CDH10: variants seen among roughly 807,000 people sequenced by gnomAD.
CDH10 encodes the protein cadherin 10.
In CDH10, 30 loss-of-function variants were observed where a neutral mutation model predicts 73.1. That is an observed-to-expected ratio of 0.41 (90% CI 0.31 to 0.56). The LOEUF (loss-of-function observed/expected upper bound fraction) is 0.56, where lower values mean the gene tolerates loss of function less well. Ranked by LOEUF, CDH10 falls within the 20% of genes least tolerant of loss-of-function variation. The pLI is 0.27. For synonymous variants in CDH10, 345 were observed against 348.2 expected (o/e 0.99, Z 0.10); for missense variants, 815 against 973.7 (o/e 0.84, Z 2.17).
intron 1 of CDH10, among the ~76,000 whole-genome samples, chr5:24,620,907 G>A (rs1013105025): frequency 6.6e-6 from 1 of 152,154 alleles, no homozygotes; most frequent in South Asian, 2.1e-4. Flanking sequence ...TTCAACTTTT[G>A]AAGGTTTATG....
intron 2 of CDH10, among the ~76,000 whole-genome samples, chr5:24,561,701 A>C (rs1744965865): frequency 6.6e-6 from 1 of 152,190 alleles, no homozygotes; most frequent in Admixed American, 6.5e-5. Flanking sequence ...GAATAATGGA[A>C]AATTAAAGCA....
chr5:24,539,290 T>G (rs1744070418), intron 2 of CDH10, among the ~76,000 whole-genome samples: 1 of 152,036 alleles, frequency 6.6e-6, no homozygotes, highest in Non-Finnish European at 1.5e-5. Flanking sequence ...AATTTTAAAC[T>G]AATTACGTCC....
intron 1 of CDH10, among the ~76,000 whole-genome samples, chr5:24,630,713 A>G (rs1747675089): frequency 6.6e-6 from 1 of 152,000 alleles, no homozygotes; most frequent in Non-Finnish European, 1.5e-5. Context: ...CAGAACTCCT[A>G]GAAATAAAAA....
intron 5 of CDH10, among the ~76,000 whole-genome samples, chr5:24,518,191 C>A (rs1743179490): frequency 6.6e-6 from 1 of 152,120 alleles, no homozygotes; most frequent in African/African-American, 2.4e-5. Context: ...ACCTTTTTCT[C>A]TCAAGTGTCT....
chr5:24,490,522 A>G (rs912285995), intron 11 of CDH10, among the ~76,000 whole-genome samples: 6 of 152,124 alleles, frequency 3.9e-5, no homozygotes, highest in Non-Finnish European at 7.4e-5. Flanking sequence ...TGATTTATCT[A>G]CCATAAGTAA....
chr5:24,522,660 T>C (rs1743379335), intron 5 of CDH10, among the ~76,000 whole-genome samples: 1 of 152,124 alleles, frequency 6.6e-6, no homozygotes, highest in Admixed American at 6.6e-5. Context: ...TAACAAATTT[T>C]CAGCAGCTGC....
intron 1 of CDH10, among the ~76,000 whole-genome samples, chr5:24,619,731 G>A (rs913842259): frequency 6.6e-6 from 1 of 152,090 alleles, no homozygotes; most frequent in African/African-American, 2.4e-5. Context: ...GATATTACAA[G>A]GAAGAGTCTA....
chr5:24,584,066 T>C (rs1200140822), intron 2 of CDH10, among the ~76,000 whole-genome samples: 1 of 152,160 alleles, frequency 6.6e-6, no homozygotes, highest in Non-Finnish European at 1.5e-5. Flanking sequence ...ACTTAGACAA[T>C]GAAGGCACAT....
chr5:24,620,499 A>C (rs1747277416), intron 1 of CDH10, among the ~76,000 whole-genome samples: 1 of 152,168 alleles, frequency 6.6e-6, no homozygotes, highest in South Asian at 2.1e-4. Flanking sequence ...TTCTCTTCAA[A>C]ATCTGGTTAT....
intron 1 of CDH10, among the ~76,000 whole-genome samples, chr5:24,598,613 A>T (rs1746453710): frequency 6.6e-6 from 1 of 152,000 alleles, no homozygotes; most frequent in South Asian, 2.1e-4. Flanking sequence ...CACATAAGAC[A>T]TTAACCAAAA....
chr5:24,569,053 T>C (rs1197640862), intron 2 of CDH10, among the ~76,000 whole-genome samples: 1 of 151,624 alleles, frequency 6.6e-6, no homozygotes, highest in Non-Finnish European at 1.5e-5. Flanking sequence ...GAGCTTGCAT[T>C]GAGCCGAGAT....
At chr5:24,558,510 A>G (rs1052385871) in intron 2 of CDH10, among the ~76,000 whole-genome samples, 1 of 151,754 alleles carries the variant, frequency 6.6e-6, no homozygotes, top group African/African-American at 2.4e-5. Flanking sequence ...AACAATCAAA[A>G]TGTATTTTAA....
In CDH10 at chr5:24,569,766, C is replaced by T. The variant is rs575839280; in HGVS notation, c.231+23494G>A. Among the ~76,000 whole-genome samples, 26 of 142,388 alleles carry T rather than the reference C, an allele frequency of 1.8e-4. No homozygotes were observed. In the South Asian group the frequency reaches 4.5e-3, roughly 25 times the overall value. The allele number at this position is 142,388 out of a possible 152,430, so 93.4% of individuals were successfully genotyped here. ...GAATCTTTATGTGAACAAATGTGTG[C>T]TTTTTTTTTTTTTATTGATGGAGTC... is the stretch of plus-strand genomic sequence containing the variant. On this transcript the variant is annotated intron_variant, in intron 2 of 11. Coordinates refer to ENST00000264463, the MANE Select transcript of CDH10 (RefSeq NM_006727.5).
At chr5:24,524,743 T>A (rs1292707405) in intron 5 of CDH10, among the ~76,000 whole-genome samples, 1 of 152,050 alleles carries the variant, frequency 6.6e-6, no homozygotes, top group Non-Finnish European at 1.5e-5. Context: ...AATAAAGTCG[T>A]ATTGAAAAAG....
At chr5:24,612,652 T>TA (rs1746989285) in intron 1 of CDH10, 2 of 152,122 alleles carry the variant, frequency 1.3e-5, no homozygotes, top group Admixed American at 1.3e-4. Context: ...CACTTGCCAT[T>TA]AGAAAGTCAG....
intron 7 of CDH10, among the ~76,000 whole-genome samples, chr5:24,509,193 CTT>C (rs34197649): frequency 0.21 from 23,405 of 109,280 alleles, 2,121 homozygotes; most frequent in African/African-American, 0.27. Flanking sequence ...ATTTCAACTG[CTT>C]TTTTTTTTTT....
chr5:24,559,713 G>T (rs1372128006), intron 2 of CDH10, among the ~76,000 whole-genome samples: 1 of 152,028 alleles, frequency 6.6e-6, no homozygotes, highest in Non-Finnish European at 1.5e-5. Context: ...TTATGGGACT[G>T]ATTGAAAATG....
chr5:24,511,398 C>G lies in CDH10; in HGVS notation c.931G>C (p.Gly311Arg), dbSNP rs2111764772. The G allele has an allele frequency of 1.2e-6, 2 of 1,611,826 alleles. No homozygotes were observed. The highest frequency in any genetic ancestry group is 2.2e-5 in the South Asian group (2 of 91,030). The change falls in exon 6 of 12, where the codon GGT (glycine) becomes CGT (arginine). Residue 311 changes from glycine (G) to arginine (R), a missense_variant. Physicochemically the swap from Gly to Arg is moderately radical, Grantham distance 125. Transcript: ENST00000264463. The stretch of plus-strand genomic sequence containing the variant: ...ATGTCAAACATATCAGTACCGTCAC[C>G]ATCAATAATTCGGTATTCTACTTCA... ...NAEVEYRIID[G>R]DGTDMFDIVT...
At chr5:24,504,717 G>C (rs1742639138) in intron 8 of CDH10, among the ~76,000 whole-genome samples, 1 of 151,312 alleles carries the variant, frequency 6.6e-6, no homozygotes, top group African/African-American at 2.4e-5. Flanking sequence ...GTAGAGACGG[G>C]GTTTCACTGT....
Sources: gnomAD v4.1 joint callset for allele counts (sites outside exome capture counted in the v4.1 genomes callset) on GRCh38, gnomAD v4.1.1 for gene constraint, MANE v1.5 for transcripts, NCBI Gene and HGNC (gene_info 2026-07-23, HGNC 2026-07-21) for gene names.